YTHDC2: variants seen among roughly 807,000 people sequenced by gnomAD.
YTHDC2 encodes 3'-5' RNA helicase YTHDC2.
A neutral mutation model predicts 174.9 loss-of-function variants in YTHDC2; 45 were observed. The ratio of observed to expected loss-of-function variants is 0.26; its 90% CI spans 0.20 to 0.33. The LOEUF (loss-of-function observed/expected upper bound fraction) is 0.33. Among genes scored for constraint, YTHDC2 ranks in the 10% least tolerant of loss-of-function variants. YTHDC2 has a pLI of 1.00. For missense variants in YTHDC2, 1,650 were observed against 1,723.7 expected (o/e 0.96, Z 0.76); for synonymous variants, 657 against 574.5 (o/e 1.14, Z -2.05).
intron 26 of YTHDC2, among the ~76,000 whole-genome samples, chr5:113,584,942 T>G (rs997668753): frequency 3.3e-5 from 5 of 151,808 alleles, no homozygotes; most frequent in Non-Finnish European, 7.4e-5. Flanking sequence ...GCCCAGCTGA[T>G]TAAAGAAAAA....
At chr5:113,586,654 T>C (rs1018048180) in intron 26 of YTHDC2, among the ~76,000 whole-genome samples, 1 of 151,478 alleles carries the variant, frequency 6.6e-6, no homozygotes, top group South Asian at 2.1e-4. Context: ...ATTTTAGATA[T>C]ATGATTTATT....
chr5:113,572,973 TG>T (rs200901891), intron 23 of YTHDC2, among the ~76,000 whole-genome samples: 677 of 152,084 alleles, frequency 4.5e-3, no homozygotes, highest in Middle Eastern at 6.8e-3. Context: ...ATTACTTTTA[TG>T]GTTATGTATT....
At chr5:113,555,115 C>T (rs1265899419) in intron 16 of YTHDC2, among the ~76,000 whole-genome samples, 3 of 151,758 alleles carry the variant, frequency 2.0e-5, no homozygotes, top group Admixed American at 1.3e-4. Flanking sequence ...AATGGTGAGC[C>T]AATGAAAATT....
chr5:113,584,518 T>A, intron 26 of YTHDC2, 39 bp downstream of exon 26: 1 of 1,499,184 alleles, frequency 6.7e-7, no homozygotes, highest in South Asian at 1.3e-5. Flanking sequence ...AGGAACAGAT[T>A]TGTAGCACAT....
intron 4 of YTHDC2, among the ~76,000 whole-genome samples, chr5:113,528,063 T>G (rs1312208134): frequency 6.6e-6 from 1 of 152,222 alleles, no homozygotes; most frequent in Non-Finnish European, 1.5e-5. Context: ...AATTTTGCCA[T>G]TAAGTATTAA....
chr5:113,516,627 G>T (rs549617710), intron 2 of YTHDC2, among the ~76,000 whole-genome samples: 4 of 152,190 alleles, frequency 2.6e-5, no homozygotes, highest in African/African-American at 4.8e-5. Flanking sequence ...AACCAGAGAT[G>T]CTTCTAGAGG....
At chr5:113,518,789 A>C (rs970095340) in intron 2 of YTHDC2, among the ~76,000 whole-genome samples, 5 of 151,676 alleles carry the variant, frequency 3.3e-5, no homozygotes, top group African/African-American at 1.2e-4. Context: ...TTTCTGGTCA[A>C]TTTTTTCTTT....
chr5:113,515,266 G>A lies in YTHDC2; in HGVS notation c.188-6G>A, dbSNP rs1035409. 173,316 of 1,592,016 alleles carry A rather than the reference G, an allele frequency of 0.11. 10,173 individuals carry two copies. The highest frequency in any genetic ancestry group is 0.14 in the African/African-American group (10,392 of 73,732). ...AATTTTACTACTTTGTTTTTTTTCC[G>A]TGTAGAAATGGAATTTCCTTCTTCT... is the stretch of plus-strand genomic sequence containing the variant. On this transcript the variant is annotated splice_polypyrimidine_tract_variant and splice_region_variant and intron_variant, in intron 1 of 29. Transcript: ENST00000161863.
rs773751208 is a variant in YTHDC2 at position 113,581,557 on chromosome 5, G to A, written c.3495G>A (p.Gln1165=). ...AIIAVLSTEE[Q]SAGLQQPSGI... ...TAGCTGTTTTAAGCACTGAAGAACA[G>A]TCTGCAGGTTTACAACAACCATCTG... is the stretch of plus-strand genomic sequence containing the variant. Residue 1165 remains glutamine (Q), a synonymous_variant, in exon 25 of 30, where the codon CAG becomes CAA. Coordinates refer to ENST00000161863, the MANE Select transcript of YTHDC2 (RefSeq NM_022828.5). 7 of 1,613,946 alleles carry A rather than the reference G, an allele frequency of 4.3e-6. No individual in the cohort carries two copies. Among genetic ancestry groups the A allele is most frequent in the African/African-American group, 1.3e-5 (1 of 74,936 alleles).
Position 113,562,599 on chromosome 5 carries a change from C to T in YTHDC2, c.2323-774C>T, listed in dbSNP as rs1777068468. On this transcript the variant is annotated intron_variant, in intron 18 of 29. Coordinates refer to ENST00000161863, the MANE Select transcript of YTHDC2 (RefSeq NM_022828.5). ...CAGGTGATTTCTTGTTACTTATCCT[C>T]TCTTACACCATTGGTTTTAGTTTCT... Among the ~76,000 whole-genome samples, 3 of 152,176 alleles carry T rather than the reference C, an allele frequency of 2.0e-5. No homozygotes were observed. The South Asian group carries it at 6.2e-4, about 32-fold the overall frequency.
chr5:113,581,401 A>G lies in YTHDC2; in HGVS notation c.3355-16A>G, dbSNP rs746857332. On this transcript the variant is annotated splice_polypyrimidine_tract_variant and intron_variant, in intron 24 of 29. Transcript: ENST00000161863. ...ATGTGATATTCATTTGCTTGTATCT[A>G]TTTGAACTATTACAGGCAGCTAGTT... 1.1e-5 allele frequency: 17 copies of G among 1,563,818 alleles called. No homozygotes were observed. The highest frequency in any genetic ancestry group is 2.3e-5 in the East Asian group (1 of 44,276).
Position 113,554,143 on chromosome 5 carries a change from G to A in YTHDC2, c.2133+121G>A, listed in dbSNP as rs138425459. On this transcript the variant is annotated intron_variant, in intron 16 of 29. Transcript: ENST00000161863. ...ATTTTACCTCTACTCAAGACAGCTTGGACCAGCGCATGCTTTTATAAGCAG... is the reference window on the plus strand; with the variant it reads ...ATTTTACCTCTACTCAAGACAGCTTAGACCAGCGCATGCTTTTATAAGCAG... 36 of 869,714 alleles carry A rather than the reference G, an allele frequency of 4.1e-5. No homozygotes were observed. In the African/African-American group the frequency reaches 5.1e-4, roughly 12 times the overall value. 53.9% of individuals were successfully genotyped at this position (869,714 alleles called of 1,614,324 possible).
At chr5:113,556,334 TG>T in intron 17 of YTHDC2, 200 bp downstream of exon 17, 1 of 380,266 alleles carries the variant, frequency 2.6e-6, no homozygotes, top group South Asian at 7.8e-5. Flanking sequence ...TAAAAACTTT[TG>T]CCTAGTTAAA....
At chr5:113,551,137 C>G (rs1318136889) in intron 12 of YTHDC2, among the ~76,000 whole-genome samples, 2 of 151,972 alleles carry the variant, frequency 1.3e-5, no homozygotes, top group Non-Finnish European at 2.9e-5. Flanking sequence ...CATTGAGTCT[C>G]AAAATTCTTG....
intron 5 of YTHDC2, 113 bp from the exon 6 acceptor site, chr5:113,534,192 C>A: frequency 1.3e-6 from 1 of 776,234 alleles, no homozygotes; most frequent in Non-Finnish European, 2.1e-6. Context: ...CATACCGGTA[C>A]ACTATTAGTA....
intron 2 of YTHDC2, among the ~76,000 whole-genome samples, chr5:113,518,201 T>TC (rs889522547): frequency 5.3e-5 from 8 of 150,640 alleles, no homozygotes; most frequent in Non-Finnish European, 1.2e-4. Context: ...TTTTGTTTTT[T>TC]TTTTTTTTTG....
Position 113,548,937 on chromosome 5 carries a change from T to A in YTHDC2, c.1623-18T>A. ...TACAATTTTGATGACATCTTATATA[T>A]CCTTTGAATTTTGGCAGGATGGCAT... On this transcript the variant is annotated intron_variant, in intron 11 of 29. Coordinates refer to ENST00000161863, the MANE Select transcript of YTHDC2 (RefSeq NM_022828.5). 1 of 1,609,410 alleles carries A rather than the reference T, an allele frequency of 6.2e-7. No homozygotes were observed. The highest frequency in any genetic ancestry group is 8.5e-7 in the Non-Finnish European group (1 of 1,177,642).
intron 4 of YTHDC2, 103 bp from the exon 5 acceptor site, chr5:113,532,776 C>G: frequency 1.0e-6 from 1 of 1,004,980 alleles, no homozygotes; most frequent in Non-Finnish European, 1.4e-6. Context: ...TATATTTGGA[C>G]TTGTTATAGA....
Position 113,594,749 on chromosome 5 carries a change from A to C in YTHDC2, c.*1275A>C, listed in dbSNP as rs1314152647. The stretch of plus-strand genomic sequence containing the variant: ...ATGATACATTTTAGTTATTCTTATA[A>C]AAGCAAACAGGCAAACATGAGTGTA... On this transcript the variant is annotated 3_prime_UTR_variant, in exon 30 of 30. Transcript: ENST00000161863. 1 of 152,168 alleles carries C rather than the reference A, an allele frequency of 6.6e-6. No homozygotes were observed. The highest frequency in any genetic ancestry group is 1.9e-4 in the East Asian group (1 of 5,198). The allele number at this position is 152,168 out of a possible 1,614,324, so 9.4% of individuals were successfully genotyped here.
Sources: gnomAD v4.1 joint callset for allele counts (sites outside exome capture counted in the v4.1 genomes callset) on GRCh38, gnomAD v4.1.1 for gene constraint, MANE v1.5 for transcripts, NCBI Gene and HGNC (gene_info 2026-07-23, HGNC 2026-07-21) for gene names.